KLF7: variants seen among roughly 807,000 people sequenced by gnomAD.
The protein encoded by KLF7 is KLF transcription factor 7.
In KLF7, 2 loss-of-function variants were observed where a neutral mutation model predicts 27.3. The observed-to-expected ratio is 0.07, with a 90% confidence interval of 0.03 to 0.23. KLF7 has a LOEUF of 0.23. KLF7 is among the 10% of genes least tolerant of loss of function. The pLI is 1.00. For synonymous variants in KLF7, 165 were observed against 162.4 expected (o/e 1.02, Z -0.12); for missense variants, 221 against 394.1 (o/e 0.56, Z 3.72).
At chr2:207,097,859 A>G (rs2076668709) in intron 2 of KLF7, among the ~76,000 whole-genome samples, 2 of 152,202 alleles carry the variant, frequency 1.3e-5, no homozygotes, top group Non-Finnish European at 2.9e-5. Context: ...TTTTTATTTA[A>G]TTAAAAATGT....
At chr2:207,139,497 T>C (rs1186124220) in intron 1 of KLF7, among the ~76,000 whole-genome samples, 1 of 152,174 alleles carries the variant, frequency 6.6e-6, no homozygotes, top group Admixed American at 6.5e-5. Context: ...TAGGTTTTTT[T>C]TTTTCTGGTC....
rs1436284541 is a variant in KLF7, at chr2:207,074,348, C to T, written c.*6865G>A. On this transcript the variant is annotated 3_prime_UTR_variant, in exon 4 of 4. Transcript: ENST00000309446. ...AATCGCTGAGCTCGGGATGCTGAGG[C>T]GACACCACCAGCTGGGTTCTCTACC... 1 of 152,150 alleles carries T rather than the reference C, an allele frequency of 6.6e-6. No homozygotes were observed. The highest frequency in any genetic ancestry group is 1.5e-5 in the Non-Finnish European group (1 of 68,076). 9.4% of individuals were successfully genotyped at this position (152,150 alleles called of 1,614,324 possible). A position where few individuals can be genotyped will look rare whatever the true frequency, so the allele number is the denominator to read the frequency against.
At chr2:207,131,477 A>G (rs893769580) in intron 1 of KLF7, among the ~76,000 whole-genome samples, 10 of 152,226 alleles carry the variant, frequency 6.6e-5, no homozygotes, top group African/African-American at 1.4e-4. Context: ...GGAAATTCAG[A>G]GTGACACAAA....
chr2:207,144,074 C>A (rs2078024713), intron 1 of KLF7, among the ~76,000 whole-genome samples: 1 of 90,414 alleles, frequency 1.1e-5, no homozygotes, highest in African/African-American at 3.6e-5. Flanking sequence ...TCAAGGGAGG[C>A]AACTGCTTGT....
chr2:207,084,495 C>A (rs920911625), intron 3 of KLF7, among the ~76,000 whole-genome samples: 1 of 151,996 alleles, frequency 6.6e-6, no homozygotes, highest in Non-Finnish European at 1.5e-5. Flanking sequence ...TGTAACTGCA[C>A]CCCTACTGAA....
chr2:207,161,445 C>G (rs766281222), intron 1 of KLF7, among the ~76,000 whole-genome samples: 7 of 152,186 alleles, frequency 4.6e-5, no homozygotes, highest in Non-Finnish European at 8.8e-5. Context: ...CCAAGAAATT[C>G]TAATTCATGA....
intron 1 of KLF7, among the ~76,000 whole-genome samples, chr2:207,156,933 C>T (rs931929709): frequency 6.6e-6 from 1 of 152,190 alleles, no homozygotes; most frequent in Non-Finnish European, 1.5e-5. Context: ...TGGCTGCATA[C>T]TGGAATTGCC....
chr2:207,139,928 C>T lies in KLF7; in HGVS notation c.103-15524G>A, dbSNP rs1047337289. Among the ~76,000 whole-genome samples the T allele has an allele frequency of 4.6e-5, 7 of 151,964 alleles. No homozygotes were observed. The East Asian group carries it at 7.7e-4, about 17-fold the overall frequency. On this transcript the variant is annotated intron_variant, in intron 1 of 3. Transcript: ENST00000309446. ...AAGAGTCTTTCTTTTTTGAGACAGT[C>T]GCCAGGCTGGAGTGCAGTGGCGCAA...
chr2:207,166,960 C>G, upstream of KLF7: 2 of 843,520 alleles, frequency 2.4e-6, no homozygotes, highest in Non-Finnish European at 3.1e-6. Flanking sequence ...GCCGCCCTCC[C>G]TCCCGCGCCT....
At chr2:207,141,871 G>A (rs987997132) in intron 1 of KLF7, among the ~76,000 whole-genome samples, 16 of 152,118 alleles carry the variant, frequency 1.1e-4, no homozygotes, top group Admixed American at 3.3e-4. Context: ...TAAGCCTCAC[G>A]TCCCACAGTT....
chr2:207,124,071 G>C lies in KLF7; in HGVS notation c.436C>G (p.Arg146Gly). The change falls in exon 2 of 4, where the codon CGC (arginine) becomes GGC (glycine). Residue 146 changes from arginine (R) to glycine (G), a missense_variant. Arg to Gly is a moderately radical substitution (Grantham distance 125). Around this residue, in one of 3 missense-constraint regions of KLF7, gnomAD observed 180 missense variants for 227.9 expected, o/e 0.79. Coordinates refer to ENST00000309446, the MANE Select transcript of KLF7 (RefSeq NM_003709.4). ...LTPPSSPELSRHLVKTSQTLS... is the reference protein window; with the variant it reads ...LTPPSSPELSGHLVKTSQTLS... Reference sequence around the variant, plus strand: ...GTTTGTGAGGTTTTGACCAGATGGCGGCTGAGCTCAGGGGACGATGGGGGC... The same window carrying C: ...GTTTGTGAGGTTTTGACCAGATGGCCGCTGAGCTCAGGGGACGATGGGGGC... 1 of 1,614,174 alleles carries C rather than the reference G, an allele frequency of 6.2e-7. No individual in the cohort carries two copies. Among genetic ancestry groups the C allele is most frequent in the Non-Finnish European group, 8.5e-7 (1 of 1,180,036 alleles).
At chr2:207,101,075 A>G (rs12996871) in intron 2 of KLF7, among the ~76,000 whole-genome samples, 23,823 of 152,264 alleles carry the variant, frequency 0.16, 2,020 homozygotes, top group Middle Eastern at 0.23. Context: ...ATAAACCCTA[A>G]CATGCATTAT....
intron 2 of KLF7, among the ~76,000 whole-genome samples, chr2:207,106,815 G>A (rs1052083372): frequency 2.6e-5 from 4 of 152,182 alleles, no homozygotes; most frequent in Non-Finnish European, 4.4e-5. Context: ...AGCACAGAGA[G>A]TGGGATGGAG....
intron 1 of KLF7, among the ~76,000 whole-genome samples, chr2:207,150,386 G>A (rs2078208560): frequency 6.6e-6 from 1 of 152,142 alleles, no homozygotes; most frequent in South Asian, 2.1e-4. Context: ...TCAAGTAACA[G>A]CCCCACTGGA....
chr2:207,143,096 A>G (rs951629393), intron 1 of KLF7, among the ~76,000 whole-genome samples: 1 of 152,230 alleles, frequency 6.6e-6, no homozygotes, highest in Admixed American at 6.5e-5. Flanking sequence ...TTAGAAAACA[A>G]CACAACAACA....
chr2:207,127,244 C>T (rs2077504966), intron 1 of KLF7, among the ~76,000 whole-genome samples: 1 of 151,866 alleles, frequency 6.6e-6, no homozygotes, highest in African/African-American at 2.4e-5. Context: ...TTTTACTCCT[C>T]CTGAAAATTG....
intron 1 of KLF7, among the ~76,000 whole-genome samples, chr2:207,150,795 T>C (rs1444471818): frequency 1.3e-5 from 2 of 152,160 alleles, no homozygotes; most frequent in Non-Finnish European, 2.9e-5. Context: ...TGTACAATCA[T>C]TCCCCTATTG....
rs150759163 is a variant in KLF7 at position 207,163,806 on chromosome 2, G to C, written c.102+1661C>G. Among the ~76,000 whole-genome samples, 88 of 152,326 alleles carry C rather than the reference G, an allele frequency of 5.8e-4. No homozygotes were observed. The East Asian group carries it at 0.016, about 28-fold the overall frequency. ...GCAACCGATTCCATACCAGTGGGCT[G>C]ACAGTGTGAAATGAAGGCTATTTCA... On this transcript the variant is annotated intron_variant, in intron 1 of 3. Transcript: ENST00000309446.
chr2:207,080,794 C>A lies in KLF7; in HGVS notation c.*419G>T, dbSNP rs1292698998. ...TGCTGGATTCTCCTATCAAGTTGCA[C>A]TGAGAAGCAAGTGAAATAAGCCCCT... On this transcript the variant is annotated 3_prime_UTR_variant, in exon 4 of 4. Coordinates refer to ENST00000309446, the MANE Select transcript of KLF7 (RefSeq NM_003709.4). 2.5e-6 allele frequency: 1 copy of A among 402,242 alleles called. No homozygotes were observed. Among genetic ancestry groups the A allele is most frequent in the Non-Finnish European group, 4.4e-6 (1 of 227,992 alleles). 24.9% of individuals were successfully genotyped at this position (402,242 alleles called of 1,614,324 possible). A position where few individuals can be genotyped will look rare whatever the true frequency, so the allele number is the denominator to read the frequency against.
Sources: gnomAD v4.1 joint callset for allele counts (sites outside exome capture counted in the v4.1 genomes callset) on GRCh38, gnomAD v4.1.1 for gene constraint, gnomAD v4.1.1 regional missense constraint, MANE v1.5 for transcripts, NCBI Gene and HGNC (gene_info 2026-07-23, HGNC 2026-07-21) for gene names.